Variants in CDC42EP4 observed in about 807,000 individuals in gnomAD.
The protein encoded by CDC42EP4 is CDC42 effector protein (Rho GTPase binding) 4.
A neutral mutation model predicts 5.6 loss-of-function variants in CDC42EP4; 6 were observed. The ratio of observed to expected loss-of-function variants is 1.07; its 90% confidence interval spans 0.59 to 2.12. CDC42EP4 has a LOEUF of 2.12. Among genes scored for constraint, CDC42EP4 ranks in the 30% most tolerant of loss-of-function variants. The probability of loss-of-function intolerance (pLI) is 0.00; values close to 1 mark genes in which losing one functional copy is unlikely to be tolerated. For missense variants in CDC42EP4, 490 were observed against 508.6 expected (o/e 0.96, Z 0.35); for synonymous variants, 230 against 224.2 (o/e 1.03, Z -0.23).
intron 1 of CDC42EP4, among the ~76,000 whole-genome samples, chr17:73,291,424 C>T (rs552559972): frequency 6.6e-6 from 1 of 152,280 alleles, no homozygotes; most frequent in African/African-American, 2.4e-5. Flanking sequence ...TTTCACCAGC[C>T]TTGAGTGACC....
At chr17:73,294,723 A>C (rs2062176396) in intron 1 of CDC42EP4, among the ~76,000 whole-genome samples, 1 of 152,154 alleles carries the variant, frequency 6.6e-6, no homozygotes, top group Admixed American at 6.5e-5. Flanking sequence ...ACGCATTAGT[A>C]AGTTTTAGTT....
At chr17:73,296,558 A>G (rs1371952671) in intron 1 of CDC42EP4, among the ~76,000 whole-genome samples, 5 of 152,180 alleles carry the variant, frequency 3.3e-5, no homozygotes, top group African/African-American at 1.2e-4. Context: ...AAGACCATAG[A>G]CAACATGGAC....
intron 1 of CDC42EP4, among the ~76,000 whole-genome samples, chr17:73,309,225 G>A (rs2062261045): frequency 6.6e-6 from 1 of 151,850 alleles, no homozygotes; most frequent in Non-Finnish European, 1.5e-5. Context: ...GTGGGCGCCA[G>A]TAGTCCCAGC....
At chr17:73,306,492 G>C (rs900406646) in intron 1 of CDC42EP4, among the ~76,000 whole-genome samples, 7 of 152,084 alleles carry the variant, frequency 4.6e-5, no homozygotes, top group African/African-American at 1.7e-4. Context: ...ACAGCAAAAA[G>C]CCTGTCTCAA....
rs556012316 is a variant in CDC42EP4 at position 73,302,918 on chromosome 17, C to T, written c.-113+8975G>A. Reference sequence around the variant, plus strand: ...AATTAGCTGGGCATGGTGGCGGGCACCTGTAGTCCCAGCTACTCGGGAGGC... The same window carrying T: ...AATTAGCTGGGCATGGTGGCGGGCATCTGTAGTCCCAGCTACTCGGGAGGC... On this transcript the variant is annotated intron_variant, in intron 1 of 1. Coordinates refer to ENST00000335793, the MANE Select transcript of CDC42EP4 (RefSeq NM_012121.5). 6.0e-5 allele frequency among the ~76,000 whole-genome samples: 9 copies of T among 150,410 alleles called. No homozygotes were observed. The South Asian group carries it at 1.7e-3, about 28-fold the overall frequency.
At chr17:73,296,464 G>A (rs894933225) in intron 1 of CDC42EP4, among the ~76,000 whole-genome samples, 1 of 151,026 alleles carries the variant, frequency 6.6e-6, no homozygotes. Flanking sequence ...CTAATGCCCA[G>A]TGATGGAGGA....
chr17:73,299,323 G>A (rs1354562859), intron 1 of CDC42EP4, among the ~76,000 whole-genome samples: 2 of 151,572 alleles, frequency 1.3e-5, no homozygotes, highest in African/African-American at 4.9e-5. Flanking sequence ...CCAGCTACTC[G>A]GGAGGTTGAG....
chr17:73,295,686 T>A (rs1331859783), intron 1 of CDC42EP4, among the ~76,000 whole-genome samples: 2 of 151,036 alleles, frequency 1.3e-5, no homozygotes, highest in Non-Finnish European at 3.0e-5. Context: ...GTGGATCACC[T>A]GAGGTCAGGA....
intron 1 of CDC42EP4, among the ~76,000 whole-genome samples, chr17:73,293,689 A>C (rs905810929): frequency 5.3e-5 from 8 of 152,188 alleles, no homozygotes; most frequent in African/African-American, 1.9e-4. Flanking sequence ...CTAAGAGGTG[A>C]GGGACTCTGG....
At chr17:73,303,962 A>G (rs2062232314) in intron 1 of CDC42EP4, among the ~76,000 whole-genome samples, 1 of 152,240 alleles carries the variant, frequency 6.6e-6, no homozygotes, top group Non-Finnish European at 1.5e-5. Flanking sequence ...TAATTGCTGG[A>G]AGATATAGCA....
chr17:73,299,204 A>G (rs1036871246), intron 1 of CDC42EP4, among the ~76,000 whole-genome samples: 1 of 152,014 alleles, frequency 6.6e-6, no homozygotes, highest in African/African-American at 2.4e-5. Flanking sequence ...CGGGCAGATC[A>G]CGAGGTCAGG....
intron 1 of CDC42EP4, among the ~76,000 whole-genome samples, chr17:73,302,641 C>G (rs913849087): frequency 2.0e-5 from 3 of 152,048 alleles, no homozygotes; most frequent in African/African-American, 7.2e-5. Context: ...TGTTGCCTAG[C>G]CAAGTCTTAA....
At chr17:73,307,604 A>G (rs1332061532) in intron 1 of CDC42EP4, among the ~76,000 whole-genome samples, 1 of 151,084 alleles carries the variant, frequency 6.6e-6, no homozygotes, top group Non-Finnish European at 1.5e-5. Context: ...CCCACCACCA[A>G]GCCTAGCTAA....
At chr17:73,297,001 A>AAAAACAAAAAAC (rs547362762) in intron 1 of CDC42EP4, among the ~76,000 whole-genome samples, 1 of 61,772 alleles carries the variant, frequency 1.6e-5, no homozygotes, top group South Asian at 5.5e-4. Flanking sequence ...AAAAAAAAAA[A>AAAAACAAAAAAC]AAATACACAA....
At chr17:73,300,914 G>A (rs138436788) in intron 1 of CDC42EP4, among the ~76,000 whole-genome samples, 4 of 152,010 alleles carry the variant, frequency 2.6e-5, no homozygotes, top group East Asian at 1.9e-4. Flanking sequence ...GCATGGTGGC[G>A]TGCGCCTGTA....
chr17:73,297,194 G>A (rs1599435766), intron 1 of CDC42EP4, among the ~76,000 whole-genome samples: 2 of 149,104 alleles, frequency 1.3e-5, no homozygotes, highest in East Asian at 2.0e-4. Flanking sequence ...CTTGGGAGGC[G>A]GAGGCAGGAG....
At chr17:73,299,382 A>C (rs1256302341) in intron 1 of CDC42EP4, among the ~76,000 whole-genome samples, 1 of 86,240 alleles carries the variant, frequency 1.2e-5, no homozygotes, top group Non-Finnish European at 2.3e-5. Context: ...GTGAGCCGAG[A>C]TCATGCCACT....
intron 1 of CDC42EP4, among the ~76,000 whole-genome samples, chr17:73,292,609 C>G (rs2062166731): frequency 6.6e-6 from 1 of 152,064 alleles, no homozygotes; most frequent in African/African-American, 2.4e-5. Context: ...GTGTGGGAGT[C>G]AGGGGGTCTG....
At position 73,309,038 on chromosome 17, in the gene CDC42EP4, C is replaced by CAAAAAAA. The variant is rs57714877; in HGVS notation, c.-113+2848_-113+2854dup. On this transcript the variant is annotated intron_variant, in intron 1 of 1. Coordinates refer to ENST00000335793, the MANE Select transcript of CDC42EP4 (RefSeq NM_012121.5). ...GGGCAACAGAGCAAAGCTCTGTCTC[C>CAAAAAAA]AAAAAAAAAAAAAAAAAAAAGGGTT... 5.1e-3 allele frequency among the ~76,000 whole-genome samples: 172 copies of CAAAAAAA among 34,010 alleles called. 46 individuals carry two copies. The highest frequency in any genetic ancestry group is 0.013 in the East Asian group (14 of 1,062). 22.3% of individuals were successfully genotyped at this position (34,010 alleles called of 152,430 possible).
Sources: gnomAD v4.1 joint callset for allele counts (sites outside exome capture counted in the v4.1 genomes callset) on GRCh38, gnomAD v4.1.1 for gene constraint, MANE v1.5 for transcripts, NCBI Gene and HGNC (gene_info 2026-07-23, HGNC 2026-07-21) for gene names.